The following INVS variants were observed in gnomAD, a reference collection of about 807,000 sequenced individuals.
INVS encodes inversin.
Under a neutral mutation model 108.8 loss-of-function variants are expected in INVS, and 86 were observed. That is an observed-to-expected ratio of 0.79 (90% CI 0.66 to 0.95). The LOEUF (loss-of-function observed/expected upper bound fraction) is 0.95. Among genes scored for constraint, INVS ranks in the 40% least tolerant of loss-of-function variants. INVS has a pLI of 0.00. For synonymous variants in INVS, 455 were observed against 473.5 expected, an observed-to-expected ratio of 0.96 and a Z score of 0.51; for missense variants, 1,169 against 1,297.4, an observed-to-expected ratio of 0.90 and a Z score of 1.52.
In INVS at chr9:100,246,695, C is replaced by A. The variant is rs1202806202; in HGVS notation, c.986C>A (p.Ala329Glu). 1 of 1,613,586 alleles carries A rather than the reference C, an allele frequency of 6.2e-7. No individual in the cohort carries two copies. Among genetic ancestry groups the A allele is most frequent in the Non-Finnish European group, 8.5e-7 (1 of 1,179,534 alleles). The change falls in exon 8 of 17, where the codon GCA (alanine) becomes GAA (glutamate). Residue 329 changes from alanine to glutamate, a missense_variant. Ala to Glu is a moderately radical substitution (Grantham distance 107). This residue lies in a region of INVS where 365 missense variants were observed against 397.5 expected (regional missense o/e 0.92). Transcript: ENST00000262457. ...DLEGRTSFMW[A>E]AGKGSDDVLR... ...GAAGGAAGAACATCCTTTATGTGGG[C>A]AGCTGGCAAAGGCAGTGATGATGTC...
intron 5 of INVS, among the ~76,000 whole-genome samples, chr9:100,235,731 A>T (rs1455134265): frequency 6.6e-6 from 1 of 152,004 alleles, no homozygotes; most frequent in Non-Finnish European, 1.5e-5. Context: ...CTGCAGAGAG[A>T]TCTGCTGTTA....
intron 3 of INVS, among the ~76,000 whole-genome samples, chr9:100,167,688 C>G (rs1045117131): frequency 2.0e-5 from 3 of 152,130 alleles, no homozygotes; most frequent in African/African-American, 7.2e-5. Context: ...AATATAAACT[C>G]CCTGAAGTTG....
rs1382780517 is a variant in INVS, at chr9:100,301,340, T to C, written c.*666T>C. ...ACGTTAGCCTCTCAAGGCCACAAGT[T>C]GCCGCCACGTCTTCACTGAATGGCT... On this transcript the variant is annotated 3_prime_UTR_variant, in exon 17 of 17. Transcript: ENST00000262457. 6.6e-6 allele frequency among the ~76,000 whole-genome samples: 1 copy of C among 152,020 alleles called. No homozygotes were observed. The highest frequency in any genetic ancestry group is 2.4e-5 in the African/African-American group (1 of 41,374).
At chr9:100,129,111 G>A (rs1303751556) in intron 3 of INVS, among the ~76,000 whole-genome samples, 1 of 151,862 alleles carries the variant, frequency 6.6e-6, no homozygotes, top group Admixed American at 6.6e-5. Context: ...CTTGAGCCCT[G>A]GAGTTTCAGA....
intron 10 of INVS, among the ~76,000 whole-genome samples, chr9:100,258,387 C>T (rs917596805): frequency 2.0e-5 from 3 of 152,186 alleles, no homozygotes; most frequent in African/African-American, 4.8e-5. Context: ...AATTACCGAT[C>T]GTCTGAAGCC....
intron 12 of INVS, among the ~76,000 whole-genome samples, chr9:100,278,732 G>A (rs995436817): frequency 2.6e-5 from 4 of 152,122 alleles, no homozygotes; most frequent in Admixed American, 1.3e-4. Flanking sequence ...GTTCTTATAC[G>A]TGACTCTCCG....
At chr9:100,133,356 G>GTA (rs1828111926) in intron 3 of INVS, among the ~76,000 whole-genome samples, 1 of 151,932 alleles carries the variant, frequency 6.6e-6, no homozygotes. Flanking sequence ...GTGTGTGTGT[G>GTA]TGTGTGTACA....
At chr9:100,222,232 A>G (rs925508111) in intron 3 of INVS, among the ~76,000 whole-genome samples, 37 of 152,180 alleles carry the variant, frequency 2.4e-4, no homozygotes, top group African/African-American at 8.0e-4. Context: ...AAAAACATCT[A>G]CTGAGCATTT....
chr9:100,266,513 G>A (rs1204663603), intron 11 of INVS, among the ~76,000 whole-genome samples: 1 of 152,124 alleles, frequency 6.6e-6, no homozygotes, highest in Non-Finnish European at 1.5e-5. Context: ...AGCGCTGGTG[G>A]GAGTGTAGCA....
At chr9:100,203,475 T>A in intron 3 of INVS, among the ~76,000 whole-genome samples, 1 of 151,508 alleles carries the variant, frequency 6.6e-6, no homozygotes, top group South Asian at 2.1e-4. Flanking sequence ...TTGAAAAACA[T>A]TTACTGCAGC....
At chr9:100,118,046 A>G (rs1227298129) in intron 2 of INVS, among the ~76,000 whole-genome samples, 1 of 151,866 alleles carries the variant, frequency 6.6e-6, no homozygotes, top group Non-Finnish European at 1.5e-5. Flanking sequence ...CATACCACCA[A>G]GACAGATTTT....
chr9:100,159,005 G>T lies in INVS; in HGVS notation c.273+32456G>T, dbSNP rs540819400. ...GCTCCTTCACCATCCCCCATGATTAGAAGCTTCCTGAGGTCCTTATTAGAA... is the reference window on the plus strand; with the variant it reads ...GCTCCTTCACCATCCCCCATGATTATAAGCTTCCTGAGGTCCTTATTAGAA... On this transcript the variant is annotated intron_variant, in intron 3 of 16. Transcript: ENST00000262457. Among the ~76,000 whole-genome samples, 4 of 152,232 alleles carry T rather than the reference G, an allele frequency of 2.6e-5. No homozygotes were observed. In the East Asian group the frequency reaches 7.7e-4, roughly 29 times the overall value.
chr9:100,243,900 A>G (rs371961285), intron 7 of INVS, among the ~76,000 whole-genome samples: 3 of 152,090 alleles, frequency 2.0e-5, no homozygotes, highest in South Asian at 2.1e-4. Context: ...AGTCTCAGCT[A>G]CTTGGGAAGC....
At chr9:100,209,155 A>G (rs1365953160) in intron 3 of INVS, among the ~76,000 whole-genome samples, 1 of 152,238 alleles carries the variant, frequency 6.6e-6, no homozygotes, top group Non-Finnish European at 1.5e-5. Flanking sequence ...TTACTTGTGC[A>G]GTATTGGGAA....
At chr9:100,269,623 G>A (rs1832890828) in intron 11 of INVS, among the ~76,000 whole-genome samples, 2 of 152,246 alleles carry the variant, frequency 1.3e-5, no homozygotes, top group Admixed American at 1.3e-4. Flanking sequence ...GGTAAGTTTT[G>A]AAGATAAATA....
intron 3 of INVS, among the ~76,000 whole-genome samples, chr9:100,204,633 A>T (rs532322875): frequency 8.5e-5 from 13 of 152,146 alleles, no homozygotes; most frequent in Non-Finnish European, 1.9e-4. Context: ...TTCCATAAAG[A>T]TGTGCTAATC....
intron 3 of INVS, among the ~76,000 whole-genome samples, chr9:100,194,094 T>C (rs1830304505): frequency 1.3e-5 from 2 of 152,246 alleles, no homozygotes; most frequent in Admixed American, 1.3e-4. Flanking sequence ...ATAAATGTAA[T>C]GGCTGGGTCA....
chr9:100,123,223 G>A (rs1215232341), intron 2 of INVS, among the ~76,000 whole-genome samples: 1 of 152,092 alleles, frequency 6.6e-6, no homozygotes. Context: ...TTATCCCACA[G>A]AGAAACCCTT....
chr9:100,137,913 T>G (rs969226304), intron 3 of INVS, among the ~76,000 whole-genome samples: 7 of 152,208 alleles, frequency 4.6e-5, no homozygotes, highest in African/African-American at 7.2e-5. Flanking sequence ...AATACTAAAT[T>G]TAAACATTAA....
Sources: gnomAD v4.1 joint callset for allele counts (sites outside exome capture counted in the v4.1 genomes callset) on GRCh38, gnomAD v4.1.1 for gene constraint, gnomAD v4.1.1 regional missense constraint, MANE v1.5 for transcripts, NCBI Gene and HGNC (gene_info 2026-07-23, HGNC 2026-07-21) for gene names.